The following TPX2 variants were observed in gnomAD, a reference collection of about 807,000 sequenced individuals.
TPX2 encodes the protein TPX2 microtubule nucleation factor, also known as targeting protein for Xklp2.
A neutral mutation model predicts 93.6 loss-of-function variants in TPX2; 21 were observed. The ratio of observed to expected loss-of-function variants is 0.22; its 90% CI spans 0.16 to 0.32. TPX2 has a LOEUF of 0.32. Among genes scored for constraint, TPX2 ranks in the 10% least tolerant of loss-of-function variants. The pLI, the probability that TPX2 is intolerant of heterozygous loss-of-function variation, is 1.00. For synonymous variants in TPX2, 281 were observed against 298.3 expected, an observed-to-expected ratio of 0.94 and a Z score of 0.60; for missense variants, 776 against 871.1, an observed-to-expected ratio of 0.89 and a Z score of 1.37.
intron 12 of TPX2, among the ~76,000 whole-genome samples, chr20:31,786,402 T>TGTTTTTTTTTTTG (rs2062066516): frequency 9.0e-6 from 1 of 111,506 alleles, no homozygotes; most frequent in African/African-American, 4.4e-5. Flanking sequence ...GAACTACTGT[T>TGTTTTTTTTTTTG]TTTTTTTTTT....
intron 5 of TPX2, among the ~76,000 whole-genome samples, chr20:31,767,702 C>G (rs1025389147): frequency 4.6e-5 from 7 of 151,992 alleles, no homozygotes; most frequent in African/African-American, 1.7e-4. Flanking sequence ...CAGGCACAAG[C>G]CACTGTGCTC....
chr20:31,750,828 A>G (rs1402077375), intron 2 of TPX2, among the ~76,000 whole-genome samples: 1 of 152,222 alleles, frequency 6.6e-6, no homozygotes, highest in Admixed American at 6.5e-5. Flanking sequence ...TTTAATAAAA[A>G]TTTGAGAAAG....
In TPX2 at chr20:31,801,125, C is replaced by T; in HGVS notation, c.*45C>T. 6.5e-7 allele frequency: 1 copy of T among 1,548,016 alleles called. No homozygotes were observed. The highest frequency in any genetic ancestry group is 8.9e-7 in the Non-Finnish European group (1 of 1,119,852). On this transcript the variant is annotated 3_prime_UTR_variant, in exon 18 of 18. Coordinates refer to ENST00000300403, the MANE Select transcript of TPX2 (RefSeq NM_012112.5). The stretch of plus-strand genomic sequence containing the variant: ...ATACCGCCCGGCAATGGGACCTGCT[C>T]TTAACCTCAAACCTAGGACCGTCTT...
In TPX2 at chr20:31,777,441, C is replaced by T. The variant is rs777086980; in HGVS notation, c.731-46C>T. ...GGAGTAAAGGGGATTTACTGGTGTT[C>T]CCTATCTTAATGTTGTCTGTATGTT... On this transcript the variant is annotated intron_variant, in intron 8 of 17. Transcript: ENST00000300403. The T allele has an allele frequency of 4.4e-6, 7 of 1,586,638 alleles. No individual in the cohort carries two copies. In the East Asian group the frequency reaches 6.8e-5, roughly 15 times the overall value.
At chr20:31,765,993 G>A (rs1400177820) in intron 4 of TPX2, among the ~76,000 whole-genome samples, 1 of 152,124 alleles carries the variant, frequency 6.6e-6, no homozygotes, top group African/African-American at 2.4e-5. Context: ...CATTATGTGG[G>A]AGTGCATCCT....
chr20:31,798,000 C>G (rs553341671), intron 16 of TPX2, among the ~76,000 whole-genome samples: 35 of 152,044 alleles, frequency 2.3e-4, no homozygotes, highest in Non-Finnish European at 4.0e-4. Context: ...GATTTGAGAC[C>G]AGCATGGGCA....
chr20:31,766,860 G>A (rs2061930979), intron 5 of TPX2, among the ~76,000 whole-genome samples, 178 bp downstream of exon 5: 1 of 148,398 alleles, frequency 6.7e-6, no homozygotes, highest in Admixed American at 6.8e-5. Flanking sequence ...GAGTGAAGTG[G>A]CATGATCTTG....
In TPX2 at chr20:31,757,444, A is replaced by G. The variant is rs1453864274; in HGVS notation, c.-33A>G. On this transcript the variant is annotated 5_prime_UTR_variant, in exon 3 of 18. Coordinates refer to ENST00000300403, the MANE Select transcript of TPX2 (RefSeq NM_012112.5). ...TGAGAAAAGTGGTACAAATACTGGG[A>G]AAAACCTGCTCTTCTGCGTTAAGTG... The G allele has an allele frequency of 6.3e-7, 1 of 1,574,978 alleles. No homozygotes were observed. The highest frequency in any genetic ancestry group is 8.7e-7 in the Non-Finnish European group (1 of 1,146,852).
chr20:31,757,636 GA>G, intron 3 of TPX2, 54 bp downstream of exon 3: 1 of 1,421,372 alleles, frequency 7.0e-7, no homozygotes, highest in African/African-American at 1.4e-5. Context: ...GCTTTGTGCT[GA>G]AGACCTTTCA....
At position 31,760,040 on chromosome 20, in the gene TPX2, A is replaced by G; in HGVS notation, c.107-17A>G. 6.2e-7 allele frequency: 1 copy of G among 1,611,598 alleles called. No individual in the cohort carries two copies. Among genetic ancestry groups the G allele is most frequent in the Non-Finnish European group, 8.5e-7 (1 of 1,179,412 alleles). ...CTTCCTTGCTGATCAGACAATGATGATCTTCCCTTTTCACAGAGGAGAAGG... is the reference window on the plus strand; with the variant it reads ...CTTCCTTGCTGATCAGACAATGATGGTCTTCCCTTTTCACAGAGGAGAAGG... On this transcript the variant is annotated splice_polypyrimidine_tract_variant and intron_variant, in intron 3 of 17. Coordinates refer to ENST00000300403, the MANE Select transcript of TPX2 (RefSeq NM_012112.5).
chr20:31,782,682 G>A (rs1196250440), intron 11 of TPX2, among the ~76,000 whole-genome samples: 2 of 151,950 alleles, frequency 1.3e-5, no homozygotes, highest in Non-Finnish European at 2.9e-5. Context: ...GAGTCCAGGA[G>A]TTTGAGACCA....
chr20:31,783,620 A>C, intron 11 of TPX2, 85 bp from the exon 12 acceptor site: 1 of 1,274,868 alleles, frequency 7.8e-7, no homozygotes, highest in Non-Finnish European at 1.1e-6. Flanking sequence ...AATGATTACT[A>C]TTCTTTGTGG....
chr20:31,776,757 C>T (rs1194542389), intron 8 of TPX2, among the ~76,000 whole-genome samples: 5 of 151,260 alleles, frequency 3.3e-5, no homozygotes, highest in Admixed American at 6.6e-5. Flanking sequence ...GAGCTCCTGG[C>T]GTCAGGTGAT....
At chr20:31,782,136 G>A in intron 10 of TPX2, 113 bp from the exon 11 acceptor site, 1 of 1,368,798 alleles carries the variant, frequency 7.3e-7, no homozygotes. Flanking sequence ...ACTGTTGTGG[G>A]CCCACCACTC....
rs1395298113 is a variant in TPX2, at chr20:31,778,972, A to C, written c.1042A>C (p.Lys348Gln). 2 of 1,591,376 alleles carry C rather than the reference A, an allele frequency of 1.3e-6. No individual in the cohort carries two copies. Among genetic ancestry groups the C allele is most frequent in the African/African-American group, 1.4e-5 (1 of 73,920 alleles). The change falls in exon 10 of 18, where the codon AAG becomes CAG. Residue 348 changes from lysine (K) to glutamine (Q), a missense_variant. Lys to Gln is a moderately conservative substitution (Grantham distance 53). This residue lies in a region of TPX2 where 461 missense variants were observed against 551.2 expected (regional missense o/e 0.84). Coordinates refer to ENST00000300403, the MANE Select transcript of TPX2 (RefSeq NM_012112.5). Reference protein sequence around the residue: ...TPNRYHLRSKKDDINLLPSKS... With the variant: ...TPNRYHLRSKQDDINLLPSKS... ...TAACAGATATCATTTGAGGAGCAAG[A>C]AGGATGATATTAGTAAGTTTCCTAC... is the stretch of plus-strand genomic sequence containing the variant.
chr20:31,767,002 A>G (rs1030519631), intron 5 of TPX2, among the ~76,000 whole-genome samples: 3 of 151,842 alleles, frequency 2.0e-5, no homozygotes, highest in African/African-American at 7.3e-5. Context: ...GGGTTTTGCC[A>G]TGTTGGCCAG....
chr20:31,776,182 G>A (rs904881860), intron 8 of TPX2, among the ~76,000 whole-genome samples, 194 bp downstream of exon 8: 21 of 145,144 alleles, frequency 1.4e-4, no homozygotes, highest in Non-Finnish European at 2.8e-4. Context: ...CCAGGTTCAC[G>A]CCATTCTCCT....
At chr20:31,782,434 G>T (rs1443597016) in intron 11 of TPX2, 44 bp downstream of exon 11, 2 of 1,557,436 alleles carry the variant, frequency 1.3e-6, no homozygotes, top group East Asian at 2.3e-5. Flanking sequence ...CCACGAACCT[G>T]CCTACTTTAT....
At chr20:31,780,346 C>T (rs2062025849) in intron 10 of TPX2, among the ~76,000 whole-genome samples, 1 of 152,130 alleles carries the variant, frequency 6.6e-6, no homozygotes, top group African/African-American at 2.4e-5. Context: ...GCCACTGCGC[C>T]TGGCCAAGTA....
Sources: gnomAD v4.1 joint callset for allele counts (sites outside exome capture counted in the v4.1 genomes callset) on GRCh38, gnomAD v4.1.1 for gene constraint, gnomAD v4.1.1 regional missense constraint, MANE v1.5 for transcripts, NCBI Gene and HGNC (gene_info 2026-07-23, HGNC 2026-07-21) for gene names.